TRPM3: variants seen among roughly 807,000 people sequenced by gnomAD.
The protein encoded by TRPM3 is long transient receptor potential channel 3.
Under a neutral mutation model 181.2 loss-of-function variants are expected in TRPM3, and 77 were observed. The observed-to-expected ratio is 0.42, with a 90% CI of 0.35 to 0.51. TRPM3 has a LOEUF of 0.51. TRPM3 is among the 20% of genes least tolerant of loss of function. The probability of loss-of-function intolerance (pLI) is 0.01; values close to 1 mark genes in which losing one functional copy is unlikely to be tolerated. For synonymous variants in TRPM3, 745 were observed against 796.4 expected (o/e 0.94, Z 1.09); for missense variants, 1,759 against 2,196.7 (o/e 0.80, Z 3.98).
At chr9:70,967,458 A>T (rs2097197187) in intron 1 of TRPM3, among the ~76,000 whole-genome samples, 1 of 152,108 alleles carries the variant, frequency 6.6e-6, no homozygotes, top group African/African-American at 2.4e-5. Flanking sequence ...AGATAAAGTT[A>T]GATACATTTT....
chr9:70,622,111 A>AAT (rs1365750807), intron 14 of TRPM3, among the ~76,000 whole-genome samples: 1 of 152,156 alleles, frequency 6.6e-6, no homozygotes, highest in Non-Finnish European at 1.5e-5. Flanking sequence ...TACCCTTATA[A>AAT]AAGAGGCTCA....
chr9:71,090,186 G>A (rs1469844203), intron 1 of TRPM3, among the ~76,000 whole-genome samples: 1 of 151,982 alleles, frequency 6.6e-6, no homozygotes, highest in Non-Finnish European at 1.5e-5. Flanking sequence ...TGATGGTGAG[G>A]GGATTGAACA....
At chr9:71,181,745 G>A (rs1202264869) in intron 1 of TRPM3, among the ~76,000 whole-genome samples, 1 of 152,080 alleles carries the variant, frequency 6.6e-6, no homozygotes, top group Non-Finnish European at 1.5e-5. Flanking sequence ...CTCGTTATCT[G>A]CCGTACACAC....
intron 1 of TRPM3, among the ~76,000 whole-genome samples, chr9:71,445,662 A>G (rs1293387115): frequency 6.6e-6 from 1 of 152,220 alleles, no homozygotes; most frequent in Non-Finnish European, 1.5e-5. Flanking sequence ...CCAAAAACAG[A>G]GCAGGGTAAC....
chr9:70,846,443 C>T lies in TRPM3; in HGVS notation c.611G>A (p.Gly204Glu). 1 of 1,614,146 alleles carries T rather than the reference C, an allele frequency of 6.2e-7. No homozygotes were observed. The highest frequency in any genetic ancestry group is 8.5e-7 in the Non-Finnish European group (1 of 1,180,018). Reference sequence around the variant, plus strand: ...CATTGCTGCTTTGATGAGCCCTTTCCCAAAGACTTGCTTGAGTTTTGGCTG... The same window carrying T: ...CATTGCTGCTTTGATGAGCCCTTTCTCAAAGACTTGCTTGAGTTTTGGCTG... The part of the protein sequence containing the change: ...ELQPKLKQVF[G>E]KGLIKAAMTT... The change falls in exon 4 of 26, where the codon GGG becomes GAG. Residue 204 changes from glycine to glutamate, a missense_variant. Transcript: ENST00000677713.
chr9:71,054,643 C>A (rs2133229229), intron 1 of TRPM3, among the ~76,000 whole-genome samples: 1 of 152,226 alleles, frequency 6.6e-6, no homozygotes, highest in Non-Finnish European at 1.5e-5. Context: ...CACGCCATAT[C>A]TTTTAAGGAA....
chr9:70,827,782 C>T (rs2093643088), intron 6 of TRPM3, 65 bp downstream of exon 6: 2 of 1,559,842 alleles, frequency 1.3e-6, no homozygotes, highest in East Asian at 2.2e-5. Context: ...GCATGGTGTA[C>T]TTAAAGTTAT....
chr9:70,825,562 G>A (rs912519445), intron 6 of TRPM3: 5 of 152,176 alleles, frequency 3.3e-5, no homozygotes, highest in African/African-American at 1.2e-4. Flanking sequence ...AATGGAATGT[G>A]ATGTGTCCCT....
In TRPM3 at chr9:70,620,189, C is replaced by T. The variant is rs761318101; in HGVS notation, c.2016G>A (p.Glu672=). The change falls in exon 16 of 26, where the codon GAG becomes GAA. Residue 672 remains glutamate (E), a synonymous_variant. Coordinates refer to ENST00000677713, the MANE Select transcript of TRPM3 (RefSeq NM_001366145.2). The part of the protein sequence containing the change: ...KMALFFWQHG[E]EAMAKALVAC... ...CCACCAGGGCCTTGGCCATGGCCTC[C>T]TCACCGTGCTGCCAGAAGAACAGGG... 5 of 1,614,234 alleles carry T rather than the reference C, an allele frequency of 3.1e-6. No homozygotes were observed. The East Asian group carries it at 1.1e-4, about 36-fold the overall frequency.
intron 1 of TRPM3, among the ~76,000 whole-genome samples, chr9:70,933,119 C>A (rs1367583161): frequency 6.6e-6 from 1 of 152,028 alleles, no homozygotes; most frequent in Admixed American, 6.6e-5. Context: ...TAGAAGAGAT[C>A]AAGATTCAGT....
intron 1 of TRPM3, among the ~76,000 whole-genome samples, chr9:71,300,258 C>T (rs2132322463): frequency 6.6e-6 from 1 of 152,186 alleles, no homozygotes; most frequent in Admixed American, 6.5e-5. Flanking sequence ...GGTCAAAACA[C>T]ACTTTCAAAA....
intron 19 of TRPM3, among the ~76,000 whole-genome samples, chr9:70,606,651 G>GTGTGTATATA (rs145779027): frequency 0.016 from 2,222 of 140,652 alleles, 43 homozygotes; most frequent in Admixed American, 0.06. Flanking sequence ...GTGTGTGTGT[G>GTGTGTATATA]TATATATATA....
At chr9:71,414,733 C>A (rs1286294524) in intron 1 of TRPM3, among the ~76,000 whole-genome samples, 1 of 151,996 alleles carries the variant, frequency 6.6e-6, no homozygotes, top group Non-Finnish European at 1.5e-5. Context: ...GCAGAGAAAT[C>A]CCAAGATTCG....
In TRPM3 at chr9:71,231,693, A is replaced by G. The variant is rs2081062796; in HGVS notation, c.183+214960T>C. Among the ~76,000 whole-genome samples the G allele has an allele frequency of 2.0e-5, 3 of 152,268 alleles. No homozygotes were observed. The South Asian group carries it at 6.2e-4, about 32-fold the overall frequency. ...TTAACATAGCAACAGAAAACTAAATACTGCATGTTCTCACTTATAAGTAGG... is the reference window on the plus strand; with the variant it reads ...TTAACATAGCAACAGAAAACTAAATGCTGCATGTTCTCACTTATAAGTAGG... On this transcript the variant is annotated intron_variant, in intron 1 of 24. Transcript: ENST00000357533.
intron 1 of TRPM3, among the ~76,000 whole-genome samples, chr9:71,089,167 G>T: frequency 6.9e-6 from 1 of 145,780 alleles, no homozygotes. Context: ...TATCATATAT[G>T]AATATATATT....
intron 8 of TRPM3, among the ~76,000 whole-genome samples, chr9:70,702,132 T>C (rs137940400): frequency 0.12 from 2,383 of 20,340 alleles, 275 homozygotes; most frequent in East Asian, 0.3. Flanking sequence ...AACAACAGGT[T>C]GAGCAGCAAC....
intron 1 of TRPM3, among the ~76,000 whole-genome samples, chr9:70,958,013 A>G (rs976396779): frequency 1.3e-5 from 2 of 152,242 alleles, no homozygotes; most frequent in African/African-American, 4.8e-5. Context: ...AATAGCATGT[A>G]TGAAATTAGA....
intron 18 of TRPM3, among the ~76,000 whole-genome samples, chr9:70,611,112 A>G (rs1005730481): frequency 7.9e-5 from 12 of 152,164 alleles, no homozygotes; most frequent in Non-Finnish European, 1.5e-4. Flanking sequence ...CTCTTTCTAT[A>G]TATCATGAAA....
chr9:70,864,422 G>T lies in TRPM3; in HGVS notation c.257+10C>A. On this transcript the variant is annotated intron_variant, in intron 2 of 25. Transcript: ENST00000677713. ...CTTCATGTTCTCAACATTATAGACA[G>T]CAAGATTACCTATGGGGGTCTTTGG... 1 of 1,472,708 alleles carries T rather than the reference G, an allele frequency of 6.8e-7. No individual in the cohort carries two copies. The highest frequency in any genetic ancestry group is 8.9e-7 in the Non-Finnish European group (1 of 1,117,654). 91.2% of individuals were successfully genotyped at this position (1,472,708 alleles called of 1,614,324 possible).
Sources: allele counts gnomAD v4.1 joint callset (sites outside exome capture counted in the v4.1 genomes callset), GRCh38; gene constraint gnomAD v4.1.1; transcripts MANE v1.5; gene names NCBI Gene and HGNC (gene_info 2026-07-23, HGNC 2026-07-21).